VPS36: variants seen among roughly 807,000 people sequenced by gnomAD.
The protein encoded by VPS36 is vacuolar protein-sorting-associated protein 36.
Under a neutral mutation model 63.5 loss-of-function variants are expected in VPS36, and 31 were observed. That is an observed-to-expected ratio of 0.49 (90% CI 0.37 to 0.66). VPS36 has a LOEUF of 0.66. Ranked by LOEUF, VPS36 falls within the 30% of genes least tolerant of loss-of-function variation. The probability of loss-of-function intolerance (pLI) is 0.00; values close to 1 mark genes in which losing one functional copy is unlikely to be tolerated. For missense variants in VPS36, 338 were observed against 463.7 expected, an observed-to-expected ratio of 0.73 and a Z score of 2.49; for synonymous variants, 138 against 157.2, an observed-to-expected ratio of 0.88 and a Z score of 0.91.
intron 1 of VPS36, among the ~76,000 whole-genome samples, chr13:52,447,851 C>T (rs1022558733): frequency 1.6e-4 from 24 of 150,876 alleles, no homozygotes; most frequent in African/African-American, 3.4e-4. Context: ...GGCACAATCT[C>T]GGCTCACTGT....
chr13:52,413,033 TAGG>T lies in VPS36; in HGVS notation c.*2794_*2796del, dbSNP rs1212853885. ...TACAAAGAGAAATTTATTGGTAATT[TAGG>T]AGATTTTCAAGGACCATTCTGAGCA... On this transcript the variant is annotated 3_prime_UTR_variant, in exon 14 of 14. Coordinates refer to ENST00000378060, the MANE Select transcript of VPS36 (RefSeq NM_016075.4). The T allele has an allele frequency of 6.6e-6, 1 of 152,670 alleles. No homozygotes were observed. The highest frequency in any genetic ancestry group is 1.5e-5 in the Non-Finnish European group (1 of 68,038). The allele number at this position is 152,670 out of a possible 1,614,324, so 9.5% of individuals were successfully genotyped here.
At chr13:52,419,396 G>A (rs1341316122) in intron 10 of VPS36, among the ~76,000 whole-genome samples, 1 of 152,170 alleles carries the variant, frequency 6.6e-6, no homozygotes, top group East Asian at 1.9e-4. Context: ...AGGGCTTCCT[G>A]AACAACTTTA....
chr13:52,434,460 G>GT (rs1181069223), intron 5 of VPS36, among the ~76,000 whole-genome samples: 1 of 152,144 alleles, frequency 6.6e-6, no homozygotes, highest in Non-Finnish European at 1.5e-5. Flanking sequence ...CTGGGTTCAG[G>GT]TGACTCTCCT....
At chr13:52,434,690 G>T in intron 5 of VPS36, 103 bp downstream of exon 5, 1 of 1,068,680 alleles carries the variant, frequency 9.4e-7, no homozygotes, top group Non-Finnish European at 1.4e-6. Context: ...TACCATTGCA[G>T]TATTTTGTTT....
chr13:52,428,654 A>G (rs1307755512), intron 6 of VPS36, among the ~76,000 whole-genome samples: 5 of 152,232 alleles, frequency 3.3e-5, no homozygotes, highest in African/African-American at 1.2e-4. Context: ...TAGAGGGCAA[A>G]TCACACACCA....
intron 2 of VPS36, among the ~76,000 whole-genome samples, 191 bp downstream of exon 2, chr13:52,442,186 A>G (rs905594245): frequency 2.6e-5 from 4 of 152,168 alleles, no homozygotes; most frequent in Admixed American, 2.6e-4. Context: ...AAAGAAGAAA[A>G]AGCTCCAGTT....
chr13:52,419,739 A>G (rs2079120234), intron 10 of VPS36, among the ~76,000 whole-genome samples: 1 of 152,242 alleles, frequency 6.6e-6, no homozygotes, highest in South Asian at 2.1e-4. Context: ...ATCATTTGCA[A>G]CAACATGGAT....
intron 10 of VPS36, among the ~76,000 whole-genome samples, chr13:52,422,112 G>A (rs539626286): frequency 2.0e-5 from 3 of 152,002 alleles, no homozygotes; most frequent in African/African-American, 7.2e-5. Flanking sequence ...CTTCTTCCCC[G>A]CTCCCACTTA....
intron 1 of VPS36, among the ~76,000 whole-genome samples, chr13:52,447,103 C>G (rs1958351685): frequency 1.3e-5 from 2 of 151,984 alleles, no homozygotes; most frequent in Admixed American, 1.3e-4. Context: ...TCTTAAACTC[C>G]TGACCTCAGA....
Position 52,439,591 on chromosome 13 carries a change from G to A in VPS36, c.166-423C>T, listed in dbSNP as rs181175947. 2.4e-3 allele frequency among the ~76,000 whole-genome samples: 372 copies of A among 152,026 alleles called. 1 individual carries two copies. Among genetic ancestry groups the A allele is most frequent in the African/African-American group, 8.6e-3 (357 of 41,478 alleles). ...CTCCCGAGTAGCTGGGACTACAGGT[G>A]CCCGCCACCACGTCCGGCTAATTTT... is the stretch of plus-strand genomic sequence containing the variant. On this transcript the variant is annotated intron_variant, in intron 2 of 13. Transcript: ENST00000378060.
intron 1 of VPS36, among the ~76,000 whole-genome samples, chr13:52,444,248 G>C (rs1958310992): frequency 6.6e-6 from 1 of 152,080 alleles, no homozygotes; most frequent in Non-Finnish European, 1.5e-5. Flanking sequence ...ACGAGGTCTG[G>C]AGATCGAGAC....
intron 5 of VPS36, among the ~76,000 whole-genome samples, chr13:52,434,152 A>G (rs993710008): frequency 3.3e-5 from 5 of 152,152 alleles, no homozygotes; most frequent in Admixed American, 2.6e-4. Context: ...GTACCTGTCT[A>G]GTGTTGGTGA....
intron 10 of VPS36, among the ~76,000 whole-genome samples, chr13:52,418,302 C>T (rs1202799242): frequency 1.3e-5 from 2 of 151,896 alleles, no homozygotes; most frequent in African/African-American, 4.8e-5. Context: ...AGAGGCCATG[C>T]ACAGTGGCTC....
chr13:52,442,426 G>A lies in VPS36; in HGVS notation c.116C>T (p.Thr39Ile), dbSNP rs1238247404. The A allele has an allele frequency of 1.2e-6, 2 of 1,611,722 alleles. No individual in the cohort carries two copies. The highest frequency in any genetic ancestry group is 1.7e-6 in the Non-Finnish European group (2 of 1,179,304). Reference sequence around the variant, plus strand: ...CAGTCGGTGTGTACTAAGAAGGAGAGTCCCAGCATCAAATTTTATCTAGAA... The same window carrying A: ...CAGTCGGTGTGTACTAAGAAGGAGAATCCCAGCATCAAATTTTATCTAGAA... Reference protein sequence around the residue: ...GEEKIKFDAGTLLLSTHRLIW... With the variant: ...GEEKIKFDAGILLLSTHRLIW... The change falls in exon 2 of 14, where the codon ACT becomes ATT. Residue 39 changes from threonine (T) to isoleucine (I), a missense_variant. By Grantham distance (89) the Thr-to-Ile change is moderately conservative. Transcript: ENST00000378060.
chr13:52,432,648 C>A (rs192766637), intron 6 of VPS36, among the ~76,000 whole-genome samples: 1 of 152,144 alleles, frequency 6.6e-6, no homozygotes, highest in Non-Finnish European at 1.5e-5. Context: ...GTGCCTCTGA[C>A]GAAAGAACAC....
intron 5 of VPS36, 44 bp downstream of exon 5, chr13:52,434,749 T>C (rs372386506): frequency 5.2e-6 from 8 of 1,533,480 alleles, no homozygotes; most frequent in Non-Finnish European, 7.2e-6. Flanking sequence ...AAGATGTAAG[T>C]ACAGAGTTGA....
rs1296951984 is a variant in VPS36, at chr13:52,437,472, C to G, written c.237-1068G>C. Reference sequence around the variant, plus strand: ...TAGTCTCTGAAACTAAAAAAAAACGCTCAGCCCTACTATCAGATTGTGTGA... The same window carrying G: ...TAGTCTCTGAAACTAAAAAAAAACGGTCAGCCCTACTATCAGATTGTGTGA... On this transcript the variant is annotated intron_variant, in intron 3 of 13. Transcript: ENST00000378060. Among the ~76,000 whole-genome samples the G allele has an allele frequency of 2.0e-5, 3 of 152,158 alleles. No individual in the cohort carries two copies. The East Asian group carries it at 5.8e-4, about 29-fold the overall frequency.
chr13:52,437,735 C>T lies in VPS36; in HGVS notation c.237-1331G>A, dbSNP rs188443791. ...CATGAGGTCAGGAGATCAAGACCAT[C>T]CTGGCTAACACGGTGAAACCCCGTC... is the stretch of plus-strand genomic sequence containing the variant. On this transcript the variant is annotated intron_variant, in intron 3 of 13. Transcript: ENST00000378060. Among the ~76,000 whole-genome samples, 132 of 152,076 alleles carry T rather than the reference C, an allele frequency of 8.7e-4. 2 individuals carry two copies. In the East Asian group the frequency reaches 0.019, roughly 22 times the overall value.
chr13:52,428,571 A>C (rs530399304), intron 6 of VPS36, among the ~76,000 whole-genome samples: 5 of 152,254 alleles, frequency 3.3e-5, no homozygotes, highest in Admixed American at 6.5e-5. Context: ...AGCTAGAGCC[A>C]GCAGATGCAG....
Sources: allele counts gnomAD v4.1 joint callset (sites outside exome capture counted in the v4.1 genomes callset), GRCh38; gene constraint gnomAD v4.1.1; transcripts MANE v1.5; gene names NCBI Gene and HGNC (gene_info 2026-07-23, HGNC 2026-07-21).